SPTBN4: variants seen among roughly 807,000 people sequenced by gnomAD.
The protein encoded by SPTBN4 is spectrin beta, non-erythrocytic 4, also known as spectrin beta chain, non-erythrocytic 4.
Under a neutral mutation model 277.8 loss-of-function variants are expected in SPTBN4, and 96 were observed. The observed-to-expected ratio is 0.35, with a 90% CI of 0.29 to 0.41. SPTBN4 has a LOEUF of 0.41. SPTBN4 is among the 10% of genes least tolerant of loss of function. The pLI, the probability that SPTBN4 is intolerant of heterozygous loss-of-function variation, is 1.00. For synonymous variants in SPTBN4, 1,481 were observed against 1,580.3 expected (o/e 0.94, Z 1.49); for missense variants, 3,006 against 3,595.7 (o/e 0.84, Z 4.19).
At position 40,492,951 on chromosome 19, in the gene SPTBN4, G is replaced by A; in HGVS notation, c.496-12G>A. On this transcript the variant is annotated splice_polypyrimidine_tract_variant and intron_variant, in intron 4 of 35. Transcript: ENST00000598249. Reference sequence around the variant, plus strand: ...CTCCAGGCCCTGGTAGCCATTTTTTGTATCTTCACAGATTCAAGTCATCAA... The same window carrying A: ...CTCCAGGCCCTGGTAGCCATTTTTTATATCTTCACAGATTCAAGTCATCAA... 1.9e-6 allele frequency: 3 copies of A among 1,613,242 alleles called. No individual in the cohort carries two copies. The highest frequency in any genetic ancestry group is 2.5e-6 in the Non-Finnish European group (3 of 1,179,506).
Position 40,495,655 on chromosome 19 carries a change from C to T in SPTBN4, c.668+678C>T, listed in dbSNP as rs1489600991. 2.0e-5 allele frequency among the ~76,000 whole-genome samples: 3 copies of T among 151,832 alleles called. No individual in the cohort carries two copies. In the South Asian group the frequency reaches 6.3e-4, roughly 32 times the overall value. On this transcript the variant is annotated intron_variant, in intron 6 of 35. Transcript: ENST00000598249. Reference sequence around the variant, plus strand: ...AGAGTGAGACTCCACCCCTAACCCCCCCACCACCACCAAAAAAAAGAAAAG... The same window carrying T: ...AGAGTGAGACTCCACCCCTAACCCCTCCACCACCACCAAAAAAAAGAAAAG...
chr19:40,479,559 G>A (rs1030572539), intron 2 of SPTBN4, among the ~76,000 whole-genome samples: 5 of 151,330 alleles, frequency 3.3e-5, no homozygotes, highest in African/African-American at 7.3e-5. Flanking sequence ...CTCCCACCTC[G>A]ACCTCCCAAA....
chr19:40,559,762 A>C (rs2081022618), intron 26 of SPTBN4, among the ~76,000 whole-genome samples: 1 of 151,460 alleles, frequency 6.6e-6, no homozygotes, highest in African/African-American at 2.4e-5. Context: ...GTCGTGTAGG[A>C]AACTGGGCTA....
In SPTBN4 at chr19:40,570,638, C is replaced by T. The variant is rs767633928; in HGVS notation, c.7229C>T (p.Ala2410Val). Residue 2410 changes from alanine (A) to valine (V), a missense_variant, in exon 33 of 36, where the codon GCG becomes GTG. Ala to Val is a moderately conservative substitution (Grantham distance 64). This residue lies in a region of SPTBN4 where 630 missense variants were observed against 677.6 expected (regional missense o/e 0.93). Transcript: ENST00000598249. ...SAPAQGGSAP[A>V]PPPPPTHTVQ... ...CCGGCCCAGGGCGGCTCCGCCCCCG[C>T]GCCTCCGCCACCGCCCACTCACACA... 2.3e-5 allele frequency: 35 copies of T among 1,501,266 alleles called. No homozygotes were observed. The South Asian group carries it at 4.4e-4, about 19-fold the overall frequency. 93.0% of individuals were successfully genotyped at this position (1,501,266 alleles called of 1,614,324 possible). A position where few individuals can be genotyped will look rare whatever the true frequency, so the allele number is the denominator to read the frequency against.
Position 40,486,698 on chromosome 19 carries a change from G to A in SPTBN4, c.170-999G>A, listed in dbSNP as rs368389438. Among the ~76,000 whole-genome samples, 113 of 150,032 alleles carry A rather than the reference G, an allele frequency of 7.5e-4. 1 individual carries two copies. Among genetic ancestry groups the A allele is most frequent in the African/African-American group, 2.8e-3 (113 of 40,982 alleles). On this transcript the variant is annotated intron_variant, in intron 2 of 35. Transcript: ENST00000598249. ...TATGGTGCAGCTACTTTGGAAAACA[G>A]TTTGACAGTTCCTTAAGGCCGGGCG...
Position 40,504,055 on chromosome 19 carries a change from C to G in SPTBN4, c.1588C>G (p.Arg530Gly). The G allele has an allele frequency of 6.2e-7, 1 of 1,611,182 alleles. No homozygotes were observed. The highest frequency in any genetic ancestry group is 1.7e-4 in the Middle Eastern group (1 of 6,058). Residue 530 changes from arginine (R) to glycine (G), a missense_variant, in exon 12 of 36, where the codon CGA becomes GGA. Physicochemically the swap from Arg to Gly is moderately radical, Grantham distance 125. Transcript: ENST00000598249. ...LTGLVGARRT[R>G]LEQNLALQKV... ...TGGGCTTGTGGGTGCCCGGCGGACA[C>G]GACTTGAGCAGAACCTTGCCCTGCA...
intron 20 of SPTBN4, among the ~76,000 whole-genome samples, chr19:40,538,197 TGGGCAAC>T (rs2080759665): frequency 2.0e-5 from 1 of 50,848 alleles, no homozygotes; most frequent in African/African-American, 8.6e-5. Flanking sequence ...AAGACCAACC[TGGGCAAC>T]ATGGCAAAAC....
intron 22 of SPTBN4, among the ~76,000 whole-genome samples, chr19:40,551,123 A>G (rs2145925985): frequency 6.6e-6 from 1 of 152,340 alleles, no homozygotes; most frequent in East Asian, 1.9e-4. Context: ...CAAGGCTGAG[A>G]TGGAGGCAAA....
intron 22 of SPTBN4, among the ~76,000 whole-genome samples, chr19:40,551,052 C>A (rs1043164535): frequency 6.6e-6 from 1 of 152,170 alleles, no homozygotes; most frequent in Non-Finnish European, 1.5e-5. Context: ...GCTCCTTGGG[C>A]TGGCCTGGTT....
intron 2 of SPTBN4, among the ~76,000 whole-genome samples, chr19:40,483,441 T>TA (rs141246171): frequency 0.019 from 2,840 of 152,130 alleles, 44 homozygotes; most frequent in East Asian, 0.042. Context: ...ATACAATTTT[T>TA]TAAAAAAAAT....
intron 22 of SPTBN4, among the ~76,000 whole-genome samples, chr19:40,552,252 G>A (rs1485538306): frequency 2.6e-5 from 4 of 151,956 alleles, no homozygotes; most frequent in Non-Finnish European, 4.4e-5. Flanking sequence ...TCAGGAGATC[G>A]AGACCATCCT....
At chr19:40,543,382 C>G (rs182050875) in intron 20 of SPTBN4, among the ~76,000 whole-genome samples, 8 of 152,068 alleles carry the variant, frequency 5.3e-5, no homozygotes, top group Non-Finnish European at 8.8e-5. Context: ...TTTCAGTGTT[C>G]TGCTTGGCCC....
intron 4 of SPTBN4, among the ~76,000 whole-genome samples, chr19:40,492,420 G>C (rs1485974775): frequency 1.3e-5 from 2 of 152,152 alleles, no homozygotes; most frequent in African/African-American, 4.8e-5. Flanking sequence ...AAAGGACCAA[G>C]GAGGGAGGAT....
At chr19:40,472,815 G>A in intron 2 of SPTBN4, 25 bp downstream of exon 2, 1 of 1,036,260 alleles carries the variant, frequency 9.7e-7, no homozygotes, top group Non-Finnish European at 1.4e-6. Flanking sequence ...GCTGGGGTGG[G>A]ATGAGGAGGA....
intron 20 of SPTBN4, among the ~76,000 whole-genome samples, chr19:40,540,094 T>C (rs1038869817): frequency 1.3e-5 from 2 of 151,700 alleles, no homozygotes; most frequent in Non-Finnish European, 2.9e-5. Flanking sequence ...ACCCGGCTAA[T>C]TTTTGTATTT....
Position 40,490,041 on chromosome 19 carries a change from G to C in SPTBN4, c.322-34G>C, listed in dbSNP as rs1231951392. ...AGGGCGCCATACTCCTGTCTGTCCAGACCCCCGATCGCCCACCGCCCCTGT... is the reference window on the plus strand; with the variant it reads ...AGGGCGCCATACTCCTGTCTGTCCACACCCCCGATCGCCCACCGCCCCTGT... On this transcript the variant is annotated intron_variant, in intron 3 of 35. Coordinates refer to ENST00000598249, the MANE Select transcript of SPTBN4 (RefSeq NM_020971.3). The surrounding 1 kb of genome is among the most constrained non-coding windows in gnomAD (Gnocchi z 4.3). 1.2e-5 allele frequency: 19 copies of C among 1,567,006 alleles called. No individual in the cohort carries two copies. Among genetic ancestry groups the C allele is most frequent in the Non-Finnish European group, 1.6e-5 (19 of 1,155,654 alleles).
At position 40,554,183 on chromosome 19, in the gene SPTBN4, C is replaced by T. The variant is rs754333343; in HGVS notation, c.4711C>T (p.Leu1571=). The T allele has an allele frequency of 1.4e-6, 2 of 1,459,366 alleles. No homozygotes were observed. Among genetic ancestry groups the T allele is most frequent in the Non-Finnish European group, 1.8e-6 (2 of 1,120,334 alleles). The allele number at this position is 1,459,366 out of a possible 1,614,324, so 90.4% of individuals were successfully genotyped here. A position where few individuals can be genotyped will look rare whatever the true frequency, so the allele number is the denominator to read the frequency against. ...GGAGATCCAGGCGCATGGGCCGCGC[C>T]TGGAGGAGGTGCTGGAGCGCGCGGG... ...RREIQAHGPR[L]EEVLERAGAL... is the part of the protein sequence containing the mutation. The change falls in exon 23 of 36, where the codon CTG becomes TTG. Residue 1571 remains leucine (L), a synonymous_variant. Coordinates refer to ENST00000598249, the MANE Select transcript of SPTBN4 (RefSeq NM_020971.3). This position sits in a 1 kb window ranked among gnomAD's most constrained non-coding sequence, Gnocchi z 5.7.
chr19:40,478,840 G>A (rs755252258), intron 2 of SPTBN4, among the ~76,000 whole-genome samples: 74 of 152,062 alleles, frequency 4.9e-4, no homozygotes, highest in Non-Finnish European at 7.4e-4. Context: ...AGCCACGCCC[G>A]GCCTGTATGA....
intron 18 of SPTBN4, among the ~76,000 whole-genome samples, chr19:40,531,064 G>A (rs1430305064): frequency 1.3e-5 from 2 of 151,692 alleles, no homozygotes; most frequent in Middle Eastern, 3.4e-3. Flanking sequence ...GAAGATGAGG[G>A]GCCTTGGATT....
Sources: gnomAD v4.1 joint callset for allele counts (sites outside exome capture counted in the v4.1 genomes callset) on GRCh38, gnomAD v4.1.1 for gene constraint, gnomAD v4.1.1 regional missense constraint, Gnocchi (gnomAD v3.1) non-coding constraint, MANE v1.5 for transcripts, NCBI Gene and HGNC (gene_info 2026-07-23, HGNC 2026-07-21) for gene names.